The following LRP1B variants were observed in gnomAD, a reference collection of about 807,000 sequenced individuals.
LRP1B encodes low-density lipoprotein receptor-related protein 1B.
Under a neutral mutation model 556.6 loss-of-function variants are expected in LRP1B, and 217 were observed. The observed-to-expected ratio is 0.39, with a 90% CI of 0.35 to 0.44. LRP1B has a LOEUF of 0.44. Ranked by LOEUF, LRP1B falls within the 20% of genes least tolerant of loss-of-function variation. The pLI is 1.00. For missense variants in LRP1B, 5,053 were observed against 5,620.8 expected (o/e 0.90, Z 3.23); for synonymous variants, 2,047 against 1,865.8 (o/e 1.10, Z -2.50).
In LRP1B at chr2:140,385,994, C is replaced by A. The variant is rs367853550; in HGVS notation, c.10430G>T (p.Gly3477Val). Residue 3477 changes from glycine (G) to valine (V), a missense_variant, in exon 67 of 91, where the codon GGA becomes GTA. By Grantham distance (109) the Gly-to-Val change is moderately radical (BLOSUM62 -3). Transcript: ENST00000389484. Reference sequence around the variant, plus strand: ...GTTTTTACACTGGAATTCATGAGGTCCACAAGTCTTTTTATCTGTAATGGA... The same window carrying A: ...GTTTTTACACTGGAATTCATGAGGTACACAAGTCTTTTTATCTGTAATGGA... ...DEANCDKKTCGPHEFQCKNNN... is the reference protein window; with the variant it reads ...DEANCDKKTCVPHEFQCKNNN... The A allele has an allele frequency of 1.5e-5, 24 of 1,610,192 alleles. No homozygotes were observed. Among genetic ancestry groups the A allele is most frequent in the Non-Finnish European group, 2.0e-5 (24 of 1,176,826 alleles).
intron 1 of LRP1B, among the ~76,000 whole-genome samples, chr2:142,058,801 C>T (rs1464699252): frequency 6.6e-6 from 1 of 152,042 alleles, no homozygotes; most frequent in Non-Finnish European, 1.5e-5. Flanking sequence ...CTCCCCTCTC[C>T]CCTACCCTAA....
chr2:141,257,960 T>C (rs1684541637), intron 3 of LRP1B, among the ~76,000 whole-genome samples: 1 of 152,242 alleles, frequency 6.6e-6, no homozygotes, highest in Non-Finnish European at 1.5e-5. Flanking sequence ...AAAACTTATT[T>C]GAGTACAACA....
chr2:141,336,068 A>G (rs1413561979), intron 3 of LRP1B, among the ~76,000 whole-genome samples: 1 of 138,832 alleles, frequency 7.2e-6, no homozygotes, highest in Non-Finnish European at 1.5e-5. Flanking sequence ...AAGCCTCAGA[A>G]GACCTTTAAG....
rs370071820 is a variant in LRP1B, at chr2:140,580,280, G to A, written c.7194+18351C>T. Among the ~76,000 whole-genome samples the A allele has an allele frequency of 4.5e-3, 688 of 152,282 alleles. 1 individual carries two copies. Among genetic ancestry groups the A allele is most frequent in the African/African-American group, 0.012 (504 of 41,558 alleles). On this transcript the variant is annotated intron_variant, in intron 43 of 90. Coordinates refer to ENST00000389484, the MANE Select transcript of LRP1B (RefSeq NM_018557.3). ...AGGTCTGGAAATATTAAATATTGGG[G>A]AGGGTCAAAAGAATTCTTATGATCA...
At chr2:141,997,104 T>G (rs2105127873) in intron 1 of LRP1B, among the ~76,000 whole-genome samples, 1 of 152,210 alleles carries the variant, frequency 6.6e-6, no homozygotes, top group African/African-American at 2.4e-5. Flanking sequence ...GAGTGCTTGT[T>G]GAAATCAAAT....
intron 3 of LRP1B, among the ~76,000 whole-genome samples, chr2:141,274,602 A>G (rs1368613362): frequency 6.6e-6 from 1 of 152,178 alleles, no homozygotes; most frequent in African/African-American, 2.4e-5. Flanking sequence ...TTTTTGGCAT[A>G]ATGAAAATGT....
intron 41 of LRP1B, among the ~76,000 whole-genome samples, chr2:140,620,486 A>G (rs1683411379): frequency 6.6e-6 from 1 of 152,214 alleles, no homozygotes; most frequent in South Asian, 2.1e-4. Context: ...GAACAAAGTA[A>G]TGTTTTTGGA....
At chr2:140,738,895 C>T (rs1688040273) in intron 35 of LRP1B, among the ~76,000 whole-genome samples, 1 of 152,120 alleles carries the variant, frequency 6.6e-6, no homozygotes, top group East Asian at 1.9e-4. Flanking sequence ...TTTATTTAGT[C>T]TATAATTGGA....
chr2:140,758,923 T>C (rs1688828634), intron 35 of LRP1B, among the ~76,000 whole-genome samples: 1 of 152,134 alleles, frequency 6.6e-6, no homozygotes, highest in Non-Finnish European at 1.5e-5. Context: ...TCTTATTCAG[T>C]ATTTAGATAA....
intron 84 of LRP1B, among the ~76,000 whole-genome samples, chr2:140,290,906 A>T (rs1279108003): frequency 6.6e-6 from 1 of 152,086 alleles, no homozygotes; most frequent in Non-Finnish European, 1.5e-5. Flanking sequence ...CCACAAAGCT[A>T]AAAGCTGTGG....
intron 2 of LRP1B, among the ~76,000 whole-genome samples, chr2:141,752,958 A>AAAAAAAAAAAT (rs1553459294): frequency 5.5e-5 from 8 of 145,046 alleles, no homozygotes; most frequent in African/African-American, 1.0e-4. Context: ...AAAAAAAAAA[A>AAAAAAAAAAAT]AAATTATGCT....
intron 23 of LRP1B, among the ~76,000 whole-genome samples, chr2:140,896,770 C>A (rs558879526): frequency 1.6e-4 from 24 of 151,914 alleles, no homozygotes; most frequent in Admixed American, 4.6e-4. Context: ...TGTGAGCCAC[C>A]ATGCCCAGCC....
chr2:140,812,960 A>C (rs1434265739), intron 32 of LRP1B, among the ~76,000 whole-genome samples: 1 of 152,122 alleles, frequency 6.6e-6, no homozygotes, highest in Non-Finnish European at 1.5e-5. Context: ...TTTTTTATGC[A>C]ACCACTCTTA....
chr2:141,011,255 GATC>G (rs1697741270), intron 14 of LRP1B, among the ~76,000 whole-genome samples: 1 of 149,748 alleles, frequency 6.7e-6, no homozygotes, highest in Non-Finnish European at 1.5e-5. Context: ...ATAGGACACA[GATC>G]ATCTACTTTC....
At chr2:141,545,735 A>G (rs1409161146) in intron 2 of LRP1B, among the ~76,000 whole-genome samples, 1 of 152,178 alleles carries the variant, frequency 6.6e-6, no homozygotes, top group African/African-American at 2.4e-5. Flanking sequence ...GTGATCATAA[A>G]GAGACATGGC....
At chr2:141,447,525 G>A (rs891898077) in intron 3 of LRP1B, among the ~76,000 whole-genome samples, 1 of 152,044 alleles carries the variant, frequency 6.6e-6, no homozygotes, top group African/African-American at 2.4e-5. Flanking sequence ...TTTTTGCACT[G>A]GTGTTTCCTC....
At chr2:141,474,034 T>C (rs1222529258) in intron 3 of LRP1B, among the ~76,000 whole-genome samples, 1 of 122,208 alleles carries the variant, frequency 8.2e-6, no homozygotes, top group African/African-American at 3.8e-5. Flanking sequence ...CTTCCTTCCT[T>C]CCTTCCTTCC....
chr2:140,425,090 T>C (rs1685600083), intron 66 of LRP1B, among the ~76,000 whole-genome samples: 1 of 151,628 alleles, frequency 6.6e-6, no homozygotes, highest in Non-Finnish European at 1.5e-5. Flanking sequence ...AGAATTGCCA[T>C]TGGCAGGTTT....
At chr2:141,641,063 C>T (rs1689313113) in intron 2 of LRP1B, among the ~76,000 whole-genome samples, 1 of 152,136 alleles carries the variant, frequency 6.6e-6, no homozygotes, top group East Asian at 1.9e-4. Flanking sequence ...TCGTTATAAA[C>T]ATTATACATG....
Sources: allele counts gnomAD v4.1 joint callset (sites outside exome capture counted in the v4.1 genomes callset), GRCh38; gene constraint gnomAD v4.1.1; transcripts MANE v1.5; gene names NCBI Gene and HGNC (gene_info 2026-07-23, HGNC 2026-07-21).